The following FRMD6 variants were observed in gnomAD, a reference collection of about 807,000 sequenced individuals.
FRMD6 encodes FERM domain-containing protein 6.
A neutral mutation model predicts 73.2 loss-of-function variants in FRMD6; 37 were observed. The ratio of observed to expected loss-of-function variants is 0.51; its 90% CI spans 0.39 to 0.66. The LOEUF is 0.66. Among genes scored for constraint, FRMD6 ranks in the 30% least tolerant of loss-of-function variants. The pLI is 0.00. For missense variants in FRMD6, 714 were observed against 780.5 expected, an observed-to-expected ratio of 0.91 and a Z score of 1.02; for synonymous variants, 273 against 282.2, an observed-to-expected ratio of 0.97 and a Z score of 0.33.
At chr14:51,721,133 G>A (rs996318329) in intron 11 of FRMD6, among the ~76,000 whole-genome samples, 1 of 152,290 alleles carries the variant, frequency 6.6e-6, no homozygotes, top group East Asian at 1.9e-4. Context: ...GACATGGGGG[G>A]CTTTGTGAAC....
At chr14:51,619,223 T>C (rs775926415) in intron 2 of FRMD6, among the ~76,000 whole-genome samples, 1 of 152,062 alleles carries the variant, frequency 6.6e-6, no homozygotes, top group Non-Finnish European at 1.5e-5. Flanking sequence ...CTGAACAATA[T>C]GAAGAAACAC....
At chr14:51,418,767 A>G in the FRMD6 span, among the ~76,000 whole-genome samples, 2,887 of 152,354 alleles carry the variant, frequency 0.019, 95 homozygotes, top group African/African-American at 0.066. Flanking sequence ...TTATTCAGCT[A>G]TGCCCTGCTC....
chr14:51,499,681 A>G (rs1198237922), intron 1 of FRMD6, among the ~76,000 whole-genome samples: 1 of 152,226 alleles, frequency 6.6e-6, no homozygotes, highest in African/African-American at 2.4e-5. Flanking sequence ...AATCAGAGAA[A>G]AGCAAAGTGT....
chr14:51,399,030 G>A, the FRMD6 span, among the ~76,000 whole-genome samples: 1 of 152,008 alleles, frequency 6.6e-6, no homozygotes, highest in African/African-American at 2.4e-5. Context: ...ACCCCACATC[G>A]GCACACCCTA....
chr14:51,565,128 C>T (rs1887704115), intron 1 of FRMD6: 1 of 152,224 alleles, frequency 6.6e-6, no homozygotes, highest in South Asian at 2.1e-4. Flanking sequence ...TCAGGGCCTC[C>T]TCCCTTTGTT....
intron 1 of FRMD6, among the ~76,000 whole-genome samples, chr14:51,567,418 C>G (rs1270812435): frequency 1.3e-5 from 2 of 152,180 alleles, no homozygotes; most frequent in African/African-American, 4.8e-5. Flanking sequence ...GGCATCATAG[C>G]TCACTGCAAC....
At chr14:51,407,612 T>G in the FRMD6 span, among the ~76,000 whole-genome samples, 2 of 151,832 alleles carry the variant, frequency 1.3e-5, no homozygotes, top group Non-Finnish European at 2.9e-5. Context: ...ATTTGTCAAT[T>G]TTTTCTTTTC....
At chr14:51,450,682 G>C in the FRMD6 span, among the ~76,000 whole-genome samples, 2 of 152,122 alleles carry the variant, frequency 1.3e-5, no homozygotes, top group Non-Finnish European at 2.9e-5. Context: ...GAGATCTCAT[G>C]ATTTTTAAAC....
chr14:51,657,522 A>T (rs77353878), intron 1 of FRMD6, among the ~76,000 whole-genome samples: 349 of 152,332 alleles, frequency 2.3e-3, no homozygotes, highest in African/African-American at 7.9e-3. Flanking sequence ...GATATATCCA[A>T]ATTGATGTAG....
chr14:51,528,841 C>T (rs1051492179), intron 1 of FRMD6, among the ~76,000 whole-genome samples: 1 of 152,144 alleles, frequency 6.6e-6, no homozygotes, highest in East Asian at 1.9e-4. Flanking sequence ...TCAAAGAGCT[C>T]CCAGGAAGCT....
chr14:51,522,354 C>T (rs1333476820), intron 1 of FRMD6, among the ~76,000 whole-genome samples: 1 of 152,100 alleles, frequency 6.6e-6, no homozygotes, highest in Non-Finnish European at 1.5e-5. Context: ...CATGTGATGA[C>T]ATAAATCTGA....
At chr14:51,486,435 C>A (rs1212156647), upstream of FRMD6, among the ~76,000 whole-genome samples, 2 of 152,178 alleles carry the variant, frequency 1.3e-5, no homozygotes, top group African/African-American at 4.8e-5. Context: ...AGTTCTGTAT[C>A]AAGAATTCCT....
intron 10 of FRMD6, 65 bp from the exon 11 acceptor site, chr14:51,719,990 A>T: frequency 8.3e-7 from 1 of 1,207,600 alleles, no homozygotes; most frequent in Non-Finnish European, 1.2e-6. Flanking sequence ...TGGCCTGATG[A>T]GTCACTTAAG....
intron 1 of FRMD6, among the ~76,000 whole-genome samples, chr14:51,542,901 C>T (rs1004093079): frequency 1.9e-4 from 29 of 151,976 alleles, no homozygotes; most frequent in African/African-American, 7.0e-4. Flanking sequence ...TACTTCTCAG[C>T]CATTTGTATA....
chr14:51,477,068 C>T, the FRMD6 span, among the ~76,000 whole-genome samples: 6 of 152,104 alleles, frequency 3.9e-5, no homozygotes, highest in Non-Finnish European at 8.8e-5. Flanking sequence ...ATACTAGAAA[C>T]AATGTTCAAA....
chr14:51,643,902 T>G (rs1414134485), intron 2 of FRMD6, among the ~76,000 whole-genome samples: 2 of 152,184 alleles, frequency 1.3e-5, no homozygotes, highest in Non-Finnish European at 2.9e-5. Flanking sequence ...TCTAGTAAAA[T>G]CCTGCTAATA....
At chr14:51,549,079 G>T (rs1886635342) in intron 1 of FRMD6, among the ~76,000 whole-genome samples, 1 of 152,210 alleles carries the variant, frequency 6.6e-6, no homozygotes, top group Non-Finnish European at 1.5e-5. Context: ...AAAGAAGCAG[G>T]TGCAATGCTG....
At chr14:51,492,216 C>G (rs1883047366) in intron 1 of FRMD6, among the ~76,000 whole-genome samples, 1 of 152,150 alleles carries the variant, frequency 6.6e-6, no homozygotes, top group African/African-American at 2.4e-5. Context: ...ACCAAGAGTT[C>G]TCCTCTTGGG....
intron 10 of FRMD6, among the ~76,000 whole-genome samples, chr14:51,719,464 A>G (rs532404623): frequency 6.6e-6 from 1 of 152,378 alleles, no homozygotes; most frequent in East Asian, 1.9e-4. Context: ...AATTCTCAGA[A>G]GAATAGTTTT....
Sources: gnomAD v4.1 joint callset for allele counts (sites outside exome capture counted in the v4.1 genomes callset) on GRCh38, gnomAD v4.1.1 for gene constraint, MANE v1.5 for transcripts, NCBI Gene and HGNC (gene_info 2026-07-23, HGNC 2026-07-21) for gene names.